The following PLEKHB2 variants were observed in gnomAD, a reference collection of about 807,000 sequenced individuals.
PLEKHB2 encodes the protein pleckstrin homology domain containing B2.
In PLEKHB2, 31 loss-of-function variants were observed where a neutral mutation model predicts 36.5. The ratio of observed to expected loss-of-function variants is 0.85; its 90% CI spans 0.64 to 1.15. The LOEUF (loss-of-function observed/expected upper bound fraction) is 1.15, where lower values mean the gene tolerates loss of function less well. PLEKHB2 is among the 50% of genes most tolerant of loss of function. The pLI is 0.00. For synonymous variants in PLEKHB2, 119 were observed against 112.0 expected, an observed-to-expected ratio of 1.06 and a Z score of -0.39; for missense variants, 262 against 295.3, an observed-to-expected ratio of 0.89 and a Z score of 0.83.
chr2:131,106,873 A>G (rs559397581), intron 1 of PLEKHB2, among the ~76,000 whole-genome samples: 45 of 152,330 alleles, frequency 3.0e-4, no homozygotes, highest in African/African-American at 1.1e-3. Flanking sequence ...AAGGCTGCAG[A>G]AAAGAACTCA....
Position 131,148,869 on chromosome 2 carries a change from A to T in PLEKHB2, c.*2096A>T, listed in dbSNP as rs1699482801. 6.6e-6 allele frequency: 1 copy of T among 152,190 alleles called. No homozygotes were observed. Among genetic ancestry groups the T allele is most frequent in the African/African-American group, 2.4e-5 (1 of 41,426 alleles). 9.4% of individuals were successfully genotyped at this position (152,190 alleles called of 1,614,324 possible). Reference sequence around the variant, plus strand: ...TAATCGTTATTAAAGCTGTATGTACACTTTACTTAAAAACTATTAACAGTT... The same window carrying T: ...TAATCGTTATTAAAGCTGTATGTACTCTTTACTTAAAAACTATTAACAGTT... On this transcript the variant is annotated 3_prime_UTR_variant, in exon 8 of 8. Coordinates refer to ENST00000693505, the MANE Select transcript of PLEKHB2 (RefSeq NM_001100623.2).
chr2:131,108,413 G>T (rs890421882), intron 1 of PLEKHB2, among the ~76,000 whole-genome samples: 1 of 152,120 alleles, frequency 6.6e-6, no homozygotes, highest in Non-Finnish European at 1.5e-5. Context: ...TTTGCTCCAG[G>T]ATATAAATAG....
intron 4 of PLEKHB2, among the ~76,000 whole-genome samples, chr2:131,128,200 G>C (rs1453585867): frequency 6.6e-6 from 1 of 152,198 alleles, no homozygotes; most frequent in African/African-American, 2.4e-5. Context: ...GTTGATACCA[G>C]ATTAGGTAGG....
intron 1 of PLEKHB2, among the ~76,000 whole-genome samples, chr2:131,111,205 A>G (rs1386261837): frequency 6.6e-6 from 1 of 151,948 alleles, no homozygotes; most frequent in African/African-American, 2.4e-5. Context: ...GGGTTTCACC[A>G]TACTGGCCAG....
intron 2 of PLEKHB2, among the ~76,000 whole-genome samples, chr2:131,124,742 G>T (rs867632314): frequency 6.6e-6 from 1 of 151,940 alleles, no homozygotes; most frequent in East Asian, 1.9e-4. Context: ...TGGTAGGAAA[G>T]AGTATCTGTG....
At chr2:131,127,964 A>G (rs1438542765) in intron 4 of PLEKHB2, among the ~76,000 whole-genome samples, 2 of 152,156 alleles carry the variant, frequency 1.3e-5, no homozygotes, top group African/African-American at 2.4e-5. Flanking sequence ...GAGTTGGGTA[A>G]TTTTCTGTCT....
chr2:131,119,488 C>T lies in PLEKHB2; in HGVS notation c.-8-1446C>T, dbSNP rs537245255. Among the ~76,000 whole-genome samples, 11 of 152,330 alleles carry T rather than the reference C, an allele frequency of 7.2e-5. No individual in the cohort carries two copies. The South Asian group carries it at 1.9e-3, about 26-fold the overall frequency. On this transcript the variant is annotated intron_variant, in intron 1 of 7. Coordinates refer to ENST00000693505, the MANE Select transcript of PLEKHB2 (RefSeq NM_001100623.2). ...GTGGAGGTACCCGCTCAGCAGTCCT[C>T]CGTCGTGGGGCATGTTGGCGCGCTT...
chr2:131,125,646 A>C, intron 2 of PLEKHB2, 107 bp from the exon 3 acceptor site: 1 of 870,516 alleles, frequency 1.1e-6, no homozygotes, highest in Non-Finnish European at 1.7e-6. Flanking sequence ...TCAAGGCTGC[A>C]GTGACCTATG....
chr2:131,125,878 A>T lies in PLEKHB2; in HGVS notation c.163A>T (p.Asn55Tyr), dbSNP rs1559075433. The T allele has an allele frequency of 1.9e-6, 3 of 1,613,534 alleles. No homozygotes were observed. The highest frequency in any genetic ancestry group is 8.5e-7 in the Non-Finnish European group (1 of 1,179,820). ...GGTCCACATGCCAATGGACTGCATC[A>T]ACATCCGCACGGGGCAGGAATGTCG... ...DKVHMPMDCI[N>Y]IRTGQECRDT... The change falls in exon 3 of 8, where the codon AAC becomes TAC. Residue 55 changes from asparagine to tyrosine, a missense_variant. Asn to Tyr is a moderately radical substitution (Grantham distance 143, BLOSUM62 -2). Coordinates refer to ENST00000693505, the MANE Select transcript of PLEKHB2 (RefSeq NM_001100623.2).
At chr2:131,116,479 G>A (rs1431474492) in intron 1 of PLEKHB2, among the ~76,000 whole-genome samples, 1 of 152,204 alleles carries the variant, frequency 6.6e-6, no homozygotes, top group Non-Finnish European at 1.5e-5. Flanking sequence ...TGTACAGGAG[G>A]CATGGCTGTG....
At position 131,110,739 on chromosome 2, in the gene PLEKHB2, G is replaced by T. The variant is rs147528243; in HGVS notation, c.-9+5341G>T. ...ATAATTTTCCGTTAGCATTTTGAAG[G>T]TATTGCTCTAGATGTCCTGTGTCTT... On this transcript the variant is annotated intron_variant, in intron 1 of 7. Coordinates refer to ENST00000693505, the MANE Select transcript of PLEKHB2 (RefSeq NM_001100623.2). Among the ~76,000 whole-genome samples, 36 of 152,122 alleles carry T rather than the reference G, an allele frequency of 2.4e-4. No homozygotes were observed. The East Asian group carries it at 7.0e-3, about 30-fold the overall frequency.
chr2:131,122,740 A>G (rs1006942356), intron 2 of PLEKHB2, among the ~76,000 whole-genome samples: 33 of 152,174 alleles, frequency 2.2e-4, no homozygotes, highest in African/African-American at 8.0e-4. Context: ...CATGTTCCCA[A>G]CCTGGAGCTG....
chr2:131,125,996 A>G lies in PLEKHB2; in HGVS notation c.190+91A>G, dbSNP rs990523405. 5 of 1,282,122 alleles carry G rather than the reference A, an allele frequency of 3.9e-6. No individual in the cohort carries two copies. In the African/African-American group the frequency reaches 7.4e-5, roughly 19 times the overall value. 79.4% of individuals were successfully genotyped at this position (1,282,122 alleles called of 1,614,324 possible). A position where few individuals can be genotyped will look rare whatever the true frequency, so the allele number is the denominator to read the frequency against. On this transcript the variant is annotated intron_variant, in intron 3 of 7. Transcript: ENST00000693505. ...CCTCTTCCTTCCCTGTTCTGCTTTC[A>G]TTAACAGATTGAAGAAGGGCTCCAT... is the stretch of plus-strand genomic sequence containing the variant.
intron 1 of PLEKHB2, among the ~76,000 whole-genome samples, chr2:131,106,934 A>G (rs1340803803): frequency 6.6e-6 from 1 of 152,204 alleles, no homozygotes; most frequent in Non-Finnish European, 1.5e-5. Context: ...GCGGTGGTAC[A>G]TTCTGTAAGT....
intron 1 of PLEKHB2, among the ~76,000 whole-genome samples, chr2:131,117,991 G>A (rs1287061707): frequency 6.6e-6 from 1 of 152,196 alleles, no homozygotes; most frequent in African/African-American, 2.4e-5. Flanking sequence ...ATTTTAGGCT[G>A]TAAGTTGCAG....
At chr2:131,115,090 T>C (rs1000622373) in intron 1 of PLEKHB2, among the ~76,000 whole-genome samples, 1 of 152,098 alleles carries the variant, frequency 6.6e-6, no homozygotes, top group African/African-American at 2.4e-5. Context: ...CTCACAATCA[T>C]GGTGGAAGGC....
intron 6 of PLEKHB2, among the ~76,000 whole-genome samples, chr2:131,136,940 T>C (rs368419352): frequency 1.6e-4 from 24 of 150,604 alleles, no homozygotes; most frequent in African/African-American, 5.4e-4. Context: ...TTTTTCTTTC[T>C]TTTCTTTCTT....
intron 1 of PLEKHB2, among the ~76,000 whole-genome samples, chr2:131,114,286 C>A (rs1388311499): frequency 6.6e-6 from 1 of 152,022 alleles, no homozygotes. Flanking sequence ...CCCCCACGCC[C>A]GGCTAATTTT....
intron 6 of PLEKHB2, among the ~76,000 whole-genome samples, chr2:131,137,015 C>T (rs1698328909): frequency 6.7e-6 from 1 of 148,548 alleles, no homozygotes; most frequent in Non-Finnish European, 1.5e-5. Context: ...GGCGTGATCT[C>T]GGCTCACTGC....
Sources: gnomAD v4.1 joint callset for allele counts (sites outside exome capture counted in the v4.1 genomes callset) on GRCh38, gnomAD v4.1.1 for gene constraint, MANE v1.5 for transcripts, NCBI Gene and HGNC (gene_info 2026-07-23, HGNC 2026-07-21) for gene names.